The following NR3C1 variants were observed in gnomAD, a reference collection of about 807,000 sequenced individuals.
The protein encoded by NR3C1 is glucocorticoid receptor.
In NR3C1, 14 loss-of-function variants were observed where a neutral mutation model predicts 74.0. The ratio of observed to expected loss-of-function variants is 0.19; its 90% CI spans 0.12 to 0.30. The LOEUF (loss-of-function observed/expected upper bound fraction) is 0.30. NR3C1 is among the 10% of genes least tolerant of loss of function. NR3C1 has a pLI of 1.00. For synonymous variants in NR3C1, 308 were observed against 332.5 expected (o/e 0.93, Z 0.80); for missense variants, 695 against 909.8 (o/e 0.76, Z 3.04).
rs1816612167 is a variant in NR3C1 at position 143,294,199 on chromosome 5, C to T, written c.2023+1261G>A. The T allele has an allele frequency of 4.1e-6, 4 of 985,014 alleles. No homozygotes were observed. In the South Asian group the frequency reaches 1.4e-4, roughly 35 times the overall value. The allele number at this position is 985,014 out of a possible 1,614,324, so 61.0% of individuals were successfully genotyped here. On this transcript the variant is annotated intron_variant, in intron 7 of 8. Coordinates refer to ENST00000394464, the MANE Select transcript of NR3C1 (RefSeq NM_000176.3). ...TAAATAAAATCACAGTCTTGTGCAA[C>T]ATCCATAGCTTACAGTTATTTGGCA...
chr5:143,294,165 T>C (rs1816606239), intron 7 of NR3C1: 8 of 984,914 alleles, frequency 8.1e-6, no homozygotes, highest in Non-Finnish European at 9.6e-6. Context: ...TAAATAGATA[T>C]GAAATGATTA....
intron 1 of NR3C1, among the ~76,000 whole-genome samples, chr5:143,414,459 A>G (rs1023487751): frequency 1.3e-5 from 2 of 152,222 alleles, no homozygotes; most frequent in African/African-American, 4.8e-5. Context: ...TTTTAGCTCC[A>G]TAGGCCTGAT....
At chr5:143,393,072 T>G (rs762693073) in intron 2 of NR3C1, among the ~76,000 whole-genome samples, 1 of 152,152 alleles carries the variant, frequency 6.6e-6, no homozygotes, top group Non-Finnish European at 1.5e-5. Flanking sequence ...AGTTCTAATC[T>G]AAAATAACTG....
chr5:143,305,365 AC>A (rs1051060945), intron 4 of NR3C1, among the ~76,000 whole-genome samples: 88 of 152,322 alleles, frequency 5.8e-4, no homozygotes, highest in African/African-American at 1.9e-3. Context: ...GAGTTTAACT[AC>A]CATTCAACCT....
chr5:143,292,930 T>A (rs567364630), intron 7 of NR3C1, among the ~76,000 whole-genome samples: 3 of 152,336 alleles, frequency 2.0e-5, no homozygotes, highest in African/African-American at 4.8e-5. Flanking sequence ...GCTTTTCCAG[T>A]TTCTATAGCT....
In NR3C1 at chr5:143,348,764, A is replaced by G. The variant is rs10482641; in HGVS notation, c.1185-34596T>C. On this transcript the variant is annotated intron_variant, in intron 2 of 8. Coordinates refer to ENST00000394464, the MANE Select transcript of NR3C1 (RefSeq NM_000176.3). ...TATAGTGCTGTTAGCCATGAGTTCA[A>G]TGTTAATGAATCAACAATATATATT... is the stretch of plus-strand genomic sequence containing the variant. Among the ~76,000 whole-genome samples, 963 of 152,302 alleles carry G rather than the reference A, an allele frequency of 6.3e-3. 8 individuals carry two copies. The highest frequency in any genetic ancestry group is 0.021 in the African/African-American group (891 of 41,562).
At chr5:143,431,606 A>C (rs947779864) in intron 1 of NR3C1, among the ~76,000 whole-genome samples, 1 of 152,158 alleles carries the variant, frequency 6.6e-6, no homozygotes, top group African/African-American at 2.4e-5. Context: ...TGGCACATGC[A>C]TACCTGTGTA....
chr5:143,288,229 C>T (rs1243907426), intron 7 of NR3C1, among the ~76,000 whole-genome samples: 1 of 151,734 alleles, frequency 6.6e-6, no homozygotes, highest in Non-Finnish European at 1.5e-5. Flanking sequence ...AGCGATTCTC[C>T]TGCCTCAGCC....
At chr5:143,309,785 A>G (rs1466611400) in intron 4 of NR3C1, among the ~76,000 whole-genome samples, 1 of 152,220 alleles carries the variant, frequency 6.6e-6, no homozygotes, top group Non-Finnish European at 1.5e-5. Flanking sequence ...TTGAGGCTGA[A>G]AAAAGGAGTA....
rs70991802 is a variant in NR3C1 at position 143,306,874 on chromosome 5, A to ATTTTTTTTTTTTTTTTTTTTT, written c.1468+3202_1468+3222dup. 2.4e-5 allele frequency among the ~76,000 whole-genome samples: 2 copies of ATTTTTTTTTTTTTTTTTTTTT among 82,904 alleles called. 1 individual carries two copies. The highest frequency in any genetic ancestry group is 1.0e-4 in the African/African-American group (2 of 19,652). 54.4% of individuals were successfully genotyped at this position (82,904 alleles called of 152,430 possible). On this transcript the variant is annotated intron_variant, in intron 4 of 8. Transcript: ENST00000394464. ...ACTGCAGCCTAAATTGTATGCTTAAATTTTTTTTTTTTTTTTTTTTTTTTT... is the reference window on the plus strand; with the variant it reads ...ACTGCAGCCTAAATTGTATGCTTAAATTTTTTTTTTTTTTTTTTTTTTTTTTTTTTTTTTTTTTTTTTTTTT...
chr5:143,403,825 C>A, upstream of NR3C1: 2 of 970,628 alleles, frequency 2.1e-6, no homozygotes, highest in South Asian at 9.5e-5. Flanking sequence ...GCCCGCGGTC[C>A]CTGCCCCCAC....
Position 143,327,973 on chromosome 5 carries a change from T to C in NR3C1, c.1185-13805A>G, listed in dbSNP as rs191985693. On this transcript the variant is annotated intron_variant, in intron 2 of 8. Transcript: ENST00000394464. ...CTAGGTAGTGCCCCAGTGGGGACTC[T>C]GTATGAGGGATCCAACCCCATATTT... is the stretch of plus-strand genomic sequence containing the variant. Among the ~76,000 whole-genome samples, 221 of 152,374 alleles carry C rather than the reference T, an allele frequency of 1.5e-3. 1 individual carries two copies. Among genetic ancestry groups the C allele is most frequent in the African/African-American group, 4.9e-3 (205 of 41,602 alleles).
At chr5:143,314,777 T>C (rs1001693602) in intron 2 of NR3C1, among the ~76,000 whole-genome samples, 1 of 152,208 alleles carries the variant, frequency 6.6e-6, no homozygotes, top group Non-Finnish European at 1.5e-5. Context: ...CCTAATGTCA[T>C]CTTGGCTGAA....
chr5:143,378,213 T>G (rs1446943187), intron 2 of NR3C1, among the ~76,000 whole-genome samples: 1 of 152,048 alleles, frequency 6.6e-6, no homozygotes, highest in Non-Finnish European at 1.5e-5. Flanking sequence ...TTTGCCCCAT[T>G]GCACTCCAGC....
intron 2 of NR3C1, among the ~76,000 whole-genome samples, chr5:143,316,917 T>A (rs1036537145): frequency 1.3e-5 from 2 of 152,248 alleles, no homozygotes; most frequent in African/African-American, 4.8e-5. Flanking sequence ...TTCAGGCCAC[T>A]CAACTGTAAG....
At chr5:143,323,273 T>C (rs1401552480) in intron 2 of NR3C1, among the ~76,000 whole-genome samples, 1 of 152,178 alleles carries the variant, frequency 6.6e-6, no homozygotes, top group African/African-American at 2.4e-5. Context: ...TAATTGGACT[T>C]ACAGTTCCAC....
upstream of NR3C1, chr5:143,407,500 T>A (rs552368370): frequency 6.6e-6 from 1 of 152,230 alleles, no homozygotes. Flanking sequence ...CATTTGTTAT[T>A]TCTCTGTATC....
chr5:143,283,062 C>T (rs1186006903), intron 7 of NR3C1, among the ~76,000 whole-genome samples: 2 of 152,098 alleles, frequency 1.3e-5, no homozygotes, highest in Non-Finnish European at 2.9e-5. Flanking sequence ...TTTGTAGAGA[C>T]AGGATCTCCC....
At chr5:143,343,925 C>T (rs1054546920) in intron 2 of NR3C1, among the ~76,000 whole-genome samples, 10 of 152,144 alleles carry the variant, frequency 6.6e-5, no homozygotes, top group Admixed American at 2.0e-4. Flanking sequence ...AAATCTCATT[C>T]ACTCAATTTT....
Sources: allele counts gnomAD v4.1 joint callset (sites outside exome capture counted in the v4.1 genomes callset), GRCh38; gene constraint gnomAD v4.1.1; transcripts MANE v1.5; gene names NCBI Gene and HGNC (gene_info 2026-07-23, HGNC 2026-07-21).